The following NIPAL2 variants were observed in gnomAD, a reference collection of about 807,000 sequenced individuals.
NIPAL2 encodes NIPA like domain containing 2.
NIPAL2 carries 43 observed loss-of-function variants against 48.9 expected under a neutral mutation model. That is an observed-to-expected ratio of 0.88 (90% CI 0.69 to 1.13). The LOEUF is 1.13. NIPAL2 is among the 50% of genes most tolerant of loss of function. The pLI, the probability that NIPAL2 is intolerant of heterozygous loss-of-function variation, is 0.00. For missense variants in NIPAL2, 446 were observed against 461.4 expected (o/e 0.97, Z 0.31); for synonymous variants, 167 against 174.6 (o/e 0.96, Z 0.34).
rs747476937 is a variant in NIPAL2, at chr8:98,194,729, A to T, written c.1038T>A (p.Pro346=). The stretch of plus-strand genomic sequence containing the variant: ...ACTATAAAGAATATATGATTTTACC[A>T]GGAATATTTCCAAAATCAATATAAG... ...QQSYIDFGNI[P]GKQMLDKIQP... is the part of the protein sequence containing the mutation. Residue 346 remains proline (P), a splice_region_variant and synonymous_variant, in exon 10 of 11, where the codon CCT becomes CCA. Transcript: ENST00000430223. 2 of 1,529,302 alleles carry T rather than the reference A, an allele frequency of 1.3e-6. No individual in the cohort carries two copies. Among genetic ancestry groups the T allele is most frequent in the Non-Finnish European group, 1.8e-6 (2 of 1,134,890 alleles). 94.7% of individuals were successfully genotyped at this position (1,529,302 alleles called of 1,614,324 possible). A position where few individuals can be genotyped will look rare whatever the true frequency, so the allele number is the denominator to read the frequency against.
At chr8:98,242,411 G>A (rs751149819) in intron 3 of NIPAL2, among the ~76,000 whole-genome samples, 6 of 150,318 alleles carry the variant, frequency 4.0e-5, no homozygotes, top group Admixed American at 6.7e-5. Context: ...GGTCTCAAAC[G>A]TCTGGGCTCA....
Position 98,209,445 on chromosome 8 carries a change from CAAAAAAAA to C in NIPAL2, c.655+2952_655+2959del, listed in dbSNP as rs33923448. On this transcript the variant is annotated intron_variant, in intron 6 of 10. Transcript: ENST00000430223. The stretch of plus-strand genomic sequence containing the variant: ...GCAGCATGGGGATACCCTGTCTCTC[CAAAAAAAA>C]AAAAAAAAAAAAAAATTAGCCAGGC... 3.1e-4 allele frequency among the ~76,000 whole-genome samples: 22 copies of C among 70,514 alleles called. 1 individual carries two copies. The highest frequency in any genetic ancestry group is 6.8e-4 in the African/African-American group (11 of 16,238). 46.3% of individuals were successfully genotyped at this position (70,514 alleles called of 152,430 possible). A position where few individuals can be genotyped will look rare whatever the true frequency, so the allele number is the denominator to read the frequency against.
intron 1 of NIPAL2, among the ~76,000 whole-genome samples, chr8:98,278,699 A>C (rs2130894941): frequency 6.6e-6 from 1 of 152,266 alleles, no homozygotes; most frequent in African/African-American, 2.4e-5. Flanking sequence ...CATCTTTTAA[A>C]CCCTAATGAC....
Position 98,211,733 on chromosome 8 carries a change from AGTGTGTGTGTGTGT to A in NIPAL2, c.655+658_655+671del, listed in dbSNP as rs1156409051. ...GAGTGAGAGAGAGAGAGAGAGAGAA[AGTGTGTGTGTGTGT>A]GTGTGTGTGTGTGTGTGTGTAGGGG... On this transcript the variant is annotated intron_variant, in intron 6 of 10. Transcript: ENST00000430223. Among the ~76,000 whole-genome samples the A allele has an allele frequency of 3.7e-5, 4 of 109,146 alleles. No individual in the cohort carries two copies. The East Asian group carries it at 7.5e-4, about 21-fold the overall frequency. 71.6% of individuals were successfully genotyped at this position (109,146 alleles called of 152,430 possible).
chr8:98,228,466 T>G (rs1180349216), intron 4 of NIPAL2, among the ~76,000 whole-genome samples: 2 of 152,220 alleles, frequency 1.3e-5, no homozygotes, highest in African/African-American at 4.8e-5. Context: ...CACATTTCAC[T>G]GCTACTTGCT....
rs540989335 is a variant in NIPAL2 at position 98,238,633 on chromosome 8, C to A, written c.377-2419G>T. 1.1e-3 allele frequency among the ~76,000 whole-genome samples: 169 copies of A among 149,788 alleles called. 1 individual carries two copies. The highest frequency in any genetic ancestry group is 6.9e-4 in the Non-Finnish European group (47 of 67,754). On this transcript the variant is annotated intron_variant, in intron 3 of 10. Transcript: ENST00000430223. ...CTTTTTTTTTTTTTCCTCAACTTAG[C>A]TTTTTCTCATTCTGGTTGATCTTTG...
At chr8:98,257,821 C>T (rs1447706490) in intron 1 of NIPAL2, among the ~76,000 whole-genome samples, 1 of 152,096 alleles carries the variant, frequency 6.6e-6, no homozygotes, top group Non-Finnish European at 1.5e-5. Context: ...ACTCTTTCAA[C>T]CAATTGCCAA....
intron 5 of NIPAL2, among the ~76,000 whole-genome samples, chr8:98,220,649 T>C (rs776902306): frequency 6.6e-6 from 1 of 152,124 alleles, no homozygotes; most frequent in Non-Finnish European, 1.5e-5. Flanking sequence ...GCTCGAGTGA[T>C]TCTCCCACCT....
At chr8:98,266,282 T>TAATA (rs1554576073) in intron 1 of NIPAL2, among the ~76,000 whole-genome samples, 1 of 142,260 alleles carries the variant, frequency 7.0e-6, no homozygotes, top group Non-Finnish European at 1.5e-5. Flanking sequence ...TAAAGTATAA[T>TAATA]AAAAAAAAAA....
chr8:98,213,481 A>G (rs1811423873), intron 5 of NIPAL2, among the ~76,000 whole-genome samples: 1 of 152,252 alleles, frequency 6.6e-6, no homozygotes, highest in African/African-American at 2.4e-5. Flanking sequence ...TTCCTATCAC[A>G]TTTAGAATAA....
chr8:98,195,003 AAGACTTGGGCAGATTCC>A (rs1416591444), intron 9 of NIPAL2, among the ~76,000 whole-genome samples, 181 bp from the exon 10 acceptor site: 3 of 152,232 alleles, frequency 2.0e-5, no homozygotes, highest in Admixed American at 6.5e-5. Context: ...ACCCAGAACC[AAGACTTGGGCAGATTCC>A]AGTAGATCTC....
chr8:98,191,480 A>AG lies in NIPAL2; in HGVS notation c.*1497dup, dbSNP rs1261395866. 1 of 122,594 alleles carries AG rather than the reference A, an allele frequency of 8.2e-6. No homozygotes were observed. Among genetic ancestry groups the AG allele is most frequent in the East Asian group, 3.0e-4 (1 of 3,292 alleles). The allele number at this position is 122,594 out of a possible 1,614,324, so 7.6% of individuals were successfully genotyped here. ...ATCAATTCAAATCTCTTTCCTTTGC[A>AG]GCCAGGTTTGGTCAGTCTGGCCAGG... is the stretch of plus-strand genomic sequence containing the variant. On this transcript the variant is annotated 3_prime_UTR_variant, in exon 11 of 11. Transcript: ENST00000430223.
At chr8:98,206,794 G>A (rs1282775592) in intron 6 of NIPAL2, among the ~76,000 whole-genome samples, 11 of 145,734 alleles carry the variant, frequency 7.5e-5, no homozygotes, top group East Asian at 2.0e-4. Flanking sequence ...AAAAAAAAAG[G>A]AAAAAAAAAT....
At position 98,258,932 on chromosome 8, in the gene NIPAL2, A is replaced by G. The variant is rs534013380; in HGVS notation, c.136-4845T>C. The stretch of plus-strand genomic sequence containing the variant: ...ATTCAGCTGAAGTTTTTCTTTTAAC[A>G]GTCTGCGTATTAAAAAAAATGGTGG... On this transcript the variant is annotated intron_variant, in intron 1 of 10. Transcript: ENST00000430223. Among the ~76,000 whole-genome samples the G allele has an allele frequency of 3.9e-5, 6 of 152,188 alleles. No individual in the cohort carries two copies. In the South Asian group the frequency reaches 1.0e-3, roughly 26 times the overall value.
At chr8:98,234,422 A>G (rs1402609850) in intron 4 of NIPAL2, among the ~76,000 whole-genome samples, 2 of 152,222 alleles carry the variant, frequency 1.3e-5, no homozygotes, top group South Asian at 2.1e-4. Flanking sequence ...TCATTATTCA[A>G]TCATTAACTA....
chr8:98,230,362 G>A (rs904398676), intron 4 of NIPAL2, among the ~76,000 whole-genome samples: 3 of 152,120 alleles, frequency 2.0e-5, no homozygotes, highest in Non-Finnish European at 2.9e-5. Flanking sequence ...TCTCAAACTG[G>A]TGTTCCCTGG....
chr8:98,277,215 C>T (rs571315144), intron 1 of NIPAL2, among the ~76,000 whole-genome samples: 2 of 152,250 alleles, frequency 1.3e-5, no homozygotes, highest in East Asian at 1.9e-4. Context: ...CAGCCATCAC[C>T]GCGATCTAAT....
chr8:98,280,625 C>A (rs1258613874), intron 1 of NIPAL2, among the ~76,000 whole-genome samples: 2 of 151,130 alleles, frequency 1.3e-5, no homozygotes, highest in African/African-American at 4.9e-5. Flanking sequence ...GATATCTCTC[C>A]AGGACAGTTA....
At chr8:98,257,094 C>A (rs1813941235) in intron 1 of NIPAL2, among the ~76,000 whole-genome samples, 1 of 152,140 alleles carries the variant, frequency 6.6e-6, no homozygotes, top group Non-Finnish European at 1.5e-5. Flanking sequence ...CCAAAGTTAA[C>A]CTGAAAAACT....
Sources: allele counts gnomAD v4.1 joint callset (sites outside exome capture counted in the v4.1 genomes callset), GRCh38; gene constraint gnomAD v4.1.1; transcripts MANE v1.5; gene names NCBI Gene and HGNC (gene_info 2026-07-23, HGNC 2026-07-21).